The following RARB variants were observed in gnomAD, a reference collection of about 807,000 sequenced individuals.
RARB encodes retinoic acid receptor beta, also known as HBV-activated protein.
A neutral mutation model predicts 51.9 loss-of-function variants in RARB; 17 were observed. That is an observed-to-expected ratio of 0.33 (90% confidence interval 0.22 to 0.49). The LOEUF is 0.49. Among genes scored for constraint, RARB ranks in the 20% least tolerant of loss-of-function variants. The pLI is 0.99. For synonymous variants in RARB, 215 were observed against 195.4 expected, an observed-to-expected ratio of 1.10 and a Z score of -0.84; for missense variants, 369 against 550.8, an observed-to-expected ratio of 0.67 and a Z score of 3.30.
At chr3:25,497,432 C>T (rs547704256) in intron 2 of RARB, among the ~76,000 whole-genome samples, 22 of 152,236 alleles carry the variant, frequency 1.4e-4, no homozygotes, top group East Asian at 3.9e-4. Context: ...CCTCTTCTTT[C>T]GCCAAAATAC....
intron 5 of RARB, among the ~76,000 whole-genome samples, chr3:25,282,654 T>A (rs1168091700): frequency 1.3e-5 from 2 of 152,128 alleles, no homozygotes; most frequent in Non-Finnish European, 2.9e-5. Context: ...GCTCACAGCA[T>A]CACCAGAAGA....
rs1421524250 is a variant in RARB at position 25,597,686 on chromosome 3, C to G, written c.*1070C>G. ...AGAATCTGCCTCCTTTGACCTTGTT[C>G]AATCACTATGAAGCAGAGTGAAAGC... is the stretch of plus-strand genomic sequence containing the variant. On this transcript the variant is annotated 3_prime_UTR_variant, in exon 8 of 8. Coordinates refer to ENST00000330688, the MANE Select transcript of RARB (RefSeq NM_000965.5). 6.6e-6 allele frequency: 1 copy of G among 152,558 alleles called. No homozygotes were observed. Among genetic ancestry groups the G allele is most frequent in the East Asian group, 1.9e-4 (1 of 5,188 alleles). 9.5% of individuals were successfully genotyped at this position (152,558 alleles called of 1,614,324 possible).
chr3:25,155,155 A>G (rs1700353942), intron 4 of RARB, among the ~76,000 whole-genome samples: 1 of 152,128 alleles, frequency 6.6e-6, no homozygotes, highest in African/African-American at 2.4e-5. Flanking sequence ...TCCCCAATAT[A>G]TCTGTCTTGT....
chr3:25,255,577 T>C (rs2125404150), intron 5 of RARB, among the ~76,000 whole-genome samples: 1 of 152,280 alleles, frequency 6.6e-6, no homozygotes, highest in East Asian at 1.9e-4. Flanking sequence ...TAATACTTTA[T>C]CTTGGTGAAC....
chr3:25,145,809 A>C (rs1157028658), intron 4 of RARB, among the ~76,000 whole-genome samples: 1 of 148,664 alleles, frequency 6.7e-6, no homozygotes, highest in Non-Finnish European at 1.5e-5. Flanking sequence ...CAGCCTGGCC[A>C]ACATGGTAAA....
chr3:25,047,286 T>C (rs1440166353), intron 2 of RARB, among the ~76,000 whole-genome samples: 1 of 152,210 alleles, frequency 6.6e-6, no homozygotes, highest in Non-Finnish European at 1.5e-5. Context: ...TGAGTAATTA[T>C]GTAATTACAA....
intron 5 of RARB, among the ~76,000 whole-genome samples, chr3:25,298,325 G>A (rs1703965367): frequency 6.6e-6 from 1 of 151,980 alleles, no homozygotes; most frequent in South Asian, 2.1e-4. Flanking sequence ...TGGGGTTACA[G>A]CCACGTGCCA....
chr3:25,246,863 A>G (rs1442840482), intron 5 of RARB, among the ~76,000 whole-genome samples: 1 of 152,184 alleles, frequency 6.6e-6, no homozygotes, highest in African/African-American at 2.4e-5. Context: ...TGGGAGATCC[A>G]CTGCTCTCTT....
chr3:25,105,193 C>T (rs1208888110), intron 3 of RARB, among the ~76,000 whole-genome samples: 1 of 151,376 alleles, frequency 6.6e-6, no homozygotes, highest in Non-Finnish European at 1.5e-5. Flanking sequence ...CAGTTTATAC[C>T]ACATACAAAT....
intron 3 of RARB, among the ~76,000 whole-genome samples, chr3:25,098,386 T>A (rs1325171654): frequency 6.6e-6 from 1 of 152,210 alleles, no homozygotes; most frequent in Non-Finnish European, 1.5e-5. Flanking sequence ...TCTATCGTGC[T>A]GTATTATTCA....
intron 5 of RARB, among the ~76,000 whole-genome samples, chr3:25,292,200 G>A (rs1431023562): frequency 6.6e-6 from 1 of 152,146 alleles, no homozygotes; most frequent in South Asian, 2.1e-4. Context: ...AAAATACAAA[G>A]ACTGTTCTTC....
chr3:25,204,640 A>G (rs1402110136), intron 5 of RARB, among the ~76,000 whole-genome samples: 1 of 152,130 alleles, frequency 6.6e-6, no homozygotes, highest in Non-Finnish European at 1.5e-5. Context: ...TTTTCCTTCT[A>G]ACAGTCAGGA....
intron 5 of RARB, among the ~76,000 whole-genome samples, chr3:25,346,645 T>C (rs1575329844): frequency 6.6e-6 from 1 of 152,186 alleles, no homozygotes; most frequent in Admixed American, 6.5e-5. Flanking sequence ...CTCTCACCAA[T>C]TAATCAGGAA....
chr3:25,226,673 T>A (rs1702063229), intron 5 of RARB, among the ~76,000 whole-genome samples: 1 of 152,182 alleles, frequency 6.6e-6, no homozygotes, highest in Non-Finnish European at 1.5e-5. Flanking sequence ...GAATTGCTGG[T>A]GGGTACTCAA....
rs1697613554 is a variant in RARB at position 25,020,550 on chromosome 3, C to CA, written c.-379-39575_-379-39574insA. The CA allele has an allele frequency of 2.0e-5, 3 of 152,046 alleles. 1 individual carries two copies. In the East Asian group the frequency reaches 5.8e-4, roughly 29 times the overall value. 9.4% of individuals were successfully genotyped at this position (152,046 alleles called of 1,614,324 possible). A position where few individuals can be genotyped will look rare whatever the true frequency, so the allele number is the denominator to read the frequency against. ...GAGAAAGCAAATTCGTCTAATATAT[C>CA]CTTCCCTGATGCTGGTTTTAAATAC... On this transcript the variant is annotated intron_variant, in intron 2 of 11. Coordinates refer to the RARB transcript ENST00000383772.
intron 2 of RARB, among the ~76,000 whole-genome samples, chr3:24,941,558 C>T (rs1459550392): frequency 2.6e-5 from 4 of 152,028 alleles, no homozygotes; most frequent in East Asian, 1.9e-4. Flanking sequence ...TTAGTAGAGA[C>T]GGGGTTTCCC....
chr3:25,211,656 T>C (rs969833260), intron 5 of RARB, among the ~76,000 whole-genome samples: 4 of 152,126 alleles, frequency 2.6e-5, no homozygotes, highest in Non-Finnish European at 5.9e-5. Context: ...ATTGACAAAC[T>C]TTTTTTTATT....
At chr3:25,055,867 T>A (rs1451737543) in intron 2 of RARB, among the ~76,000 whole-genome samples, 2 of 151,776 alleles carry the variant, frequency 1.3e-5, no homozygotes, top group Non-Finnish European at 2.9e-5. Flanking sequence ...CTGTTGGGAG[T>A]GAAAGTACAT....
At chr3:25,398,685 A>G (rs993350447) in intron 5 of RARB, among the ~76,000 whole-genome samples, 2 of 152,196 alleles carry the variant, frequency 1.3e-5, no homozygotes, top group Non-Finnish European at 2.9e-5. Context: ...TGGGTTCCAG[A>G]AGCTTAAGTC....
Sources: gnomAD v4.1 joint callset for allele counts (sites outside exome capture counted in the v4.1 genomes callset) on GRCh38, gnomAD v4.1.1 for gene constraint, MANE v1.5 for transcripts, NCBI Gene and HGNC (gene_info 2026-07-23, HGNC 2026-07-21) for gene names.